The following TMEM38B variants were observed in gnomAD, a reference collection of about 807,000 sequenced individuals.
TMEM38B encodes transmembrane protein 38B.
Under a neutral mutation model 28.7 loss-of-function variants are expected in TMEM38B, and 24 were observed. The ratio of observed to expected loss-of-function variants is 0.84; its 90% confidence interval spans 0.61 to 1.18. The LOEUF (loss-of-function observed/expected upper bound fraction) is 1.18, where lower values mean the gene tolerates loss of function less well. TMEM38B is among the 50% of genes most tolerant of loss of function. TMEM38B has a pLI of 0.00. For missense variants in TMEM38B, 380 were observed against 350.9 expected (o/e 1.08, Z -0.66); for synonymous variants, 131 against 127.7 (o/e 1.03, Z -0.17).
chr9:105,735,168 A>T (rs1836925122), intron 4 of TMEM38B, among the ~76,000 whole-genome samples: 1 of 152,172 alleles, frequency 6.6e-6, no homozygotes. Context: ...TTACTCACAT[A>T]AAAGTACTCT....
intron 4 of TMEM38B, among the ~76,000 whole-genome samples, chr9:105,745,941 T>A (rs551493098): frequency 6.6e-6 from 1 of 152,250 alleles, no homozygotes. Context: ...TTGGTCTATA[T>A]CTCTGTTTTG....
At chr9:105,750,481 G>T (rs1186530755) in intron 5 of TMEM38B, among the ~76,000 whole-genome samples, 3 of 152,020 alleles carry the variant, frequency 2.0e-5, no homozygotes, top group Non-Finnish European at 4.4e-5. Context: ...AAAATTAGTT[G>T]TGCGCGCCTG....
In TMEM38B at chr9:105,762,481, C is replaced by T. The variant is rs567501759; in HGVS notation, c.661-11384C>T. 5.5e-5 allele frequency among the ~76,000 whole-genome samples: 8 copies of T among 145,986 alleles called. No individual in the cohort carries two copies. In the Admixed American group the frequency reaches 5.6e-4, roughly 10 times the overall value. ...GTCCATGTGTTCTCATTGTTCAGTT[C>T]CCACCTATGAGTGAGAATATGCGGT... On this transcript the variant is annotated intron_variant, in intron 5 of 5. Coordinates refer to ENST00000374692, the MANE Select transcript of TMEM38B (RefSeq NM_018112.3).
At chr9:105,706,223 T>G (rs909922998) in intron 2 of TMEM38B, among the ~76,000 whole-genome samples, 5 of 152,142 alleles carry the variant, frequency 3.3e-5, no homozygotes, top group African/African-American at 1.2e-4. Context: ...AAGTGTAAAG[T>G]ATATCTCTTT....
At chr9:105,746,552 A>G (rs1204626535) in intron 4 of TMEM38B, among the ~76,000 whole-genome samples, 1 of 152,148 alleles carries the variant, frequency 6.6e-6, no homozygotes, top group Non-Finnish European at 1.5e-5. Flanking sequence ...CTCTTTTCCT[A>G]ACTGAATACT....
intron 4 of TMEM38B, among the ~76,000 whole-genome samples, chr9:105,734,160 G>C (rs537055610): frequency 6.6e-6 from 1 of 151,996 alleles, no homozygotes; most frequent in Admixed American, 6.6e-5. Context: ...ATTTGTTTCA[G>C]AATATTTTTA....
intron 5 of TMEM38B, chr9:105,758,337 C>T: frequency 1.2e-6 from 1 of 867,832 alleles, no homozygotes; most frequent in Non-Finnish European, 2.0e-6. Flanking sequence ...TTCAGATCTT[C>T]CTGGTATGGC....
At chr9:105,724,854 A>G (rs969075483) in intron 4 of TMEM38B, among the ~76,000 whole-genome samples, 2 of 152,192 alleles carry the variant, frequency 1.3e-5, no homozygotes, top group Admixed American at 6.5e-5. Flanking sequence ...AACACCTTCC[A>G]TAAAACATTT....
At chr9:105,729,604 C>T (rs1836655297) in intron 4 of TMEM38B, among the ~76,000 whole-genome samples, 1 of 151,956 alleles carries the variant, frequency 6.6e-6, no homozygotes, top group Non-Finnish European at 1.5e-5. Context: ...GTAGTTTTTT[C>T]CAATTCTGTG....
At chr9:105,732,611 AT>A (rs1466099729) in intron 4 of TMEM38B, among the ~76,000 whole-genome samples, 2 of 151,952 alleles carry the variant, frequency 1.3e-5, no homozygotes, top group African/African-American at 4.8e-5. Context: ...CAAAGATCAG[AT>A]GGTTTTATAT....
chr9:105,752,643 G>C (rs1837696154), intron 5 of TMEM38B, among the ~76,000 whole-genome samples: 1 of 152,120 alleles, frequency 6.6e-6, no homozygotes, highest in Admixed American at 6.6e-5. Context: ...AAACAAAAAA[G>C]GCCCCACAAA....
chr9:105,735,866 A>T (rs1336406185), intron 4 of TMEM38B, among the ~76,000 whole-genome samples: 1 of 152,018 alleles, frequency 6.6e-6, no homozygotes, highest in Non-Finnish European at 1.5e-5. Flanking sequence ...ATTTTCATTT[A>T]TTAAAAAAAA....
chr9:105,737,738 A>G (rs1056556062), intron 4 of TMEM38B, among the ~76,000 whole-genome samples: 3 of 152,184 alleles, frequency 2.0e-5, no homozygotes, highest in African/African-American at 7.2e-5. Flanking sequence ...CTGCTTGGCT[A>G]GACCAGTGCA....
chr9:105,715,816 T>C (rs575887972), intron 2 of TMEM38B, among the ~76,000 whole-genome samples: 1 of 152,324 alleles, frequency 6.6e-6, no homozygotes, highest in South Asian at 2.1e-4. Flanking sequence ...TGTCTTTAGC[T>C]TGTTTTGAAA....
At chr9:105,762,324 G>A (rs1223799186) in intron 5 of TMEM38B, among the ~76,000 whole-genome samples, 1 of 151,078 alleles carries the variant, frequency 6.6e-6, no homozygotes, top group East Asian at 2.0e-4. Flanking sequence ...AGTTACATAT[G>A]TATACATGTG....
chr9:105,711,605 G>A (rs953607707), intron 2 of TMEM38B, among the ~76,000 whole-genome samples: 3 of 152,016 alleles, frequency 2.0e-5, no homozygotes, highest in Non-Finnish European at 4.4e-5. Context: ...CAGCACTTTG[G>A]GAGGCTGAGG....
chr9:105,743,167 A>C (rs1281284706), intron 4 of TMEM38B, among the ~76,000 whole-genome samples: 1 of 152,224 alleles, frequency 6.6e-6, no homozygotes, highest in Non-Finnish European at 1.5e-5. Context: ...GAAAAAGACA[A>C]GGAATGGATT....
Position 105,773,848 on chromosome 9 carries a change from A to G in TMEM38B, c.661-17A>G, listed in dbSNP as rs777332980. On this transcript the variant is annotated splice_polypyrimidine_tract_variant and intron_variant, in intron 5 of 5. Transcript: ENST00000374692. ...ATCATTTGTATTTAAATTCAAAATT[A>G]AACTTTTTTCCCCCAGATAACCATG... 3 of 1,589,800 alleles carry G rather than the reference A, an allele frequency of 1.9e-6. No individual in the cohort carries two copies. Among genetic ancestry groups the G allele is most frequent in the Non-Finnish European group, 2.6e-6 (3 of 1,167,420 alleles).
chr9:105,694,803 T>G (rs770444936), intron 1 of TMEM38B, 31 bp downstream of exon 1: 13 of 1,292,406 alleles, frequency 1.0e-5, no homozygotes, highest in Non-Finnish European at 1.0e-6. Context: ...GCCGGACCCC[T>G]CAGAGTGCTC....
Sources: allele counts gnomAD v4.1 joint callset (sites outside exome capture counted in the v4.1 genomes callset), GRCh38; gene constraint gnomAD v4.1.1; transcripts MANE v1.5; gene names NCBI Gene and HGNC (gene_info 2026-07-23, HGNC 2026-07-21).